Variants in VPREB3 observed in about 807,000 individuals in gnomAD.
VPREB3 encodes pre-B lymphocyte protein 3.
A neutral mutation model predicts 12.9 loss-of-function variants in VPREB3; 14 were observed. The ratio of observed to expected loss-of-function variants is 1.09; its 90% confidence interval spans 0.72 to 1.70. VPREB3 has a LOEUF of 1.70. VPREB3 is among the 40% of genes most tolerant of loss of function. VPREB3 has a pLI of 0.00. For missense variants in VPREB3, 165 were observed against 159.6 expected (o/e 1.03, Z -0.18); for synonymous variants, 78 against 70.1 (o/e 1.11, Z -0.56).
Position 23,753,098 on chromosome 22 carries a change from C to A in VPREB3, c.150G>T (p.Arg50Ser). 1 of 1,614,084 alleles carries A rather than the reference C, an allele frequency of 6.2e-7. No homozygotes were observed. The highest frequency in any genetic ancestry group is 1.7e-5 in the Admixed American group (1 of 60,008). ...CTLSPQHVTI[R>S]DYGVSWYQQR... ...GCTGGTACCAGGACACACCGTAGTC[C>A]CTGATGGTGACGTGCTGGGGGCTGA... The change falls in exon 2 of 2, where the codon AGG becomes AGT. Residue 50 changes from arginine to serine, a missense_variant. Arg to Ser is a moderately radical substitution (Grantham distance 110). Coordinates refer to ENST00000248948, the MANE Select transcript of VPREB3 (RefSeq NM_013378.3).
chr22:23,754,193 A>AT, intron 1 of VPREB3, 122 bp downstream of exon 1: 2 of 1,067,412 alleles, frequency 1.9e-6, no homozygotes, highest in Non-Finnish European at 1.3e-6. Flanking sequence ...AAAAAAAAAA[A>AT]AAATACCCCT....
In VPREB3 at chr22:23,753,103, T is replaced by A. The variant is rs746307404; in HGVS notation, c.145A>T (p.Ile49Phe). ...TACCAGGACACACCGTAGTCCCTGA[T>A]GGTGACGTGCTGGGGGCTGAGCGTG... ...SCTLSPQHVT[I>F]RDYGVSWYQQ... Residue 49 changes from isoleucine (I) to phenylalanine (F), a missense_variant, in exon 2 of 2, where the codon ATC (isoleucine) becomes TTC (phenylalanine). Transcript: ENST00000248948. 4 of 1,613,944 alleles carry A rather than the reference T, an allele frequency of 2.5e-6. No homozygotes were observed. The Admixed American group carries it at 6.7e-5, about 27-fold the overall frequency.
rs755082786 is a variant in VPREB3, at chr22:23,753,071, C to A, written c.177G>T (p.Gln59His). The change falls in exon 2 of 2, where the codon CAG becomes CAT. Residue 59 changes from glutamine (Q) to histidine (H), a missense_variant. By Grantham distance (24) the Gln-to-His change is conservative. Coordinates refer to ENST00000248948, the MANE Select transcript of VPREB3 (RefSeq NM_013378.3). Reference protein sequence around the residue: ...IRDYGVSWYQQRAGSAPRYLL... With the variant: ...IRDYGVSWYQHRAGSAPRYLL... ...GATATCGAGGGGCACTGCCTGCCCG[C>A]TGCTGGTACCAGGACACACCGTAGT... The A allele has an allele frequency of 6.2e-7, 1 of 1,614,172 alleles. No homozygotes were observed. Among genetic ancestry groups the A allele is most frequent in the Admixed American group, 1.7e-5 (1 of 60,022 alleles).
rs778794101 is a variant in VPREB3 at position 23,753,073 on chromosome 22, G to T, written c.175C>A (p.Gln59Lys). 1.2e-6 allele frequency: 2 copies of T among 1,614,046 alleles called. No homozygotes were observed. Among genetic ancestry groups the T allele is most frequent in the South Asian group, 2.2e-5 (2 of 91,090 alleles). Residue 59 changes from glutamine (Q) to lysine (K), a missense_variant, in exon 2 of 2, where the codon CAG becomes AAG. Gln to Lys is a moderately conservative substitution (Grantham distance 53). Coordinates refer to ENST00000248948, the MANE Select transcript of VPREB3 (RefSeq NM_013378.3). Reference sequence around the variant, plus strand: ...TATCGAGGGGCACTGCCTGCCCGCTGCTGGTACCAGGACACACCGTAGTCC... The same window carrying T: ...TATCGAGGGGCACTGCCTGCCCGCTTCTGGTACCAGGACACACCGTAGTCC... Reference protein sequence around the residue: ...IRDYGVSWYQQRAGSAPRYLL... With the variant: ...IRDYGVSWYQKRAGSAPRYLL...
rs774355600 is a variant in VPREB3 at position 23,753,021 on chromosome 22, TC to T, written c.226del (p.Asp76IlefsTer53). On this transcript the variant is annotated frameshift_variant, in exon 2 of 2. Transcript: ENST00000248948. LOFTEE classifies it high-confidence loss of function. ...GGGGATGTCAGCAGGCCGGTGGTGA[TC>T]CTCCTCCGAGCGGTAGTAGAGGAGA... ...RYLLYYRSEE[D>X]HHRPADIPDR... The T allele has an allele frequency of 9.9e-6, 16 of 1,614,020 alleles. No homozygotes were observed. Among genetic ancestry groups the T allele is most frequent in the Non-Finnish European group, 1.2e-5 (14 of 1,179,978 alleles).
chr22:23,753,635 C>T (rs1329038717), intron 1 of VPREB3, among the ~76,000 whole-genome samples: 1 of 152,158 alleles, frequency 6.6e-6, no homozygotes, highest in Non-Finnish European at 1.5e-5. Flanking sequence ...CTGGGCTGTC[C>T]CACACATCAA....
chr22:23,752,970 T>G lies in VPREB3; in HGVS notation c.278A>C (p.Glu93Ala). 1 of 1,614,144 alleles carries G rather than the reference T, an allele frequency of 6.2e-7. No homozygotes were observed. Among genetic ancestry groups the G allele is most frequent in the Non-Finnish European group, 8.5e-7 (1 of 1,180,022 alleles). Reference sequence around the variant, plus strand: ...GGTGAGGACACAGGCATTGTGGGCCTCATCCTTGGCTGCCGAGAATCGATC... The same window carrying G: ...GGTGAGGACACAGGCATTGTGGGCCGCATCCTTGGCTGCCGAGAATCGATC... ...IPDRFSAAKD[E>A]AHNACVLTIS... The change falls in exon 2 of 2, where the codon GAG (glutamate) becomes GCG (alanine). Residue 93 changes from glutamate to alanine, a missense_variant. By Grantham distance (107) the Glu-to-Ala change is moderately radical. Coordinates refer to ENST00000248948, the MANE Select transcript of VPREB3 (RefSeq NM_013378.3).
At position 23,752,970 on chromosome 22, in the gene VPREB3, T is replaced by C. The variant is rs913528108; in HGVS notation, c.278A>G (p.Glu93Gly). 1.2e-6 allele frequency: 2 copies of C among 1,614,026 alleles called. No homozygotes were observed. Among genetic ancestry groups the C allele is most frequent in the African/African-American group, 2.7e-5 (2 of 74,904 alleles). Residue 93 changes from glutamate (E) to glycine (G), a missense_variant, in exon 2 of 2, where the codon GAG (glutamate) becomes GGG (glycine). Glu to Gly is a moderately conservative substitution (Grantham distance 98). Coordinates refer to ENST00000248948, the MANE Select transcript of VPREB3 (RefSeq NM_013378.3). ...GGTGAGGACACAGGCATTGTGGGCC[T>C]CATCCTTGGCTGCCGAGAATCGATC... is the stretch of plus-strand genomic sequence containing the variant. Reference protein sequence around the residue: ...IPDRFSAAKDEAHNACVLTIS... With the variant: ...IPDRFSAAKDGAHNACVLTIS...
At chr22:23,753,264 T>A (rs1925420296) in intron 1 of VPREB3, 66 bp from the exon 2 acceptor site, 1 of 1,465,144 alleles carries the variant, frequency 6.8e-7, no homozygotes, top group East Asian at 2.5e-5. Flanking sequence ...GAAGGCTTGG[T>A]TGGACTCCAT....
At position 23,752,834 on chromosome 22, in the gene VPREB3, A is replaced by G; in HGVS notation, c.*42T>C. ...AAAAGGGACCCAAGGTCAGGGGCAGAAATGGGAGGCAGAGGGGAGGCACCC... is the reference window on the plus strand; with the variant it reads ...AAAAGGGACCCAAGGTCAGGGGCAGGAATGGGAGGCAGAGGGGAGGCACCC... On this transcript the variant is annotated 3_prime_UTR_variant, in exon 2 of 2. Coordinates refer to ENST00000248948, the MANE Select transcript of VPREB3 (RefSeq NM_013378.3). 1 of 1,574,234 alleles carries G rather than the reference A, an allele frequency of 6.4e-7. No homozygotes were observed. The highest frequency in any genetic ancestry group is 1.2e-5 in the South Asian group (1 of 85,594).
chr22:23,752,961 T>C lies in VPREB3; in HGVS notation c.287A>G (p.Asn96Ser), dbSNP rs1925405789. 1 of 1,614,032 alleles carries C rather than the reference T, an allele frequency of 6.2e-7. No individual in the cohort carries two copies. Among genetic ancestry groups the C allele is most frequent in the Non-Finnish European group, 8.5e-7 (1 of 1,179,986 alleles). The change falls in exon 2 of 2, where the codon AAT (asparagine) becomes AGT (serine). Residue 96 changes from asparagine (N) to serine (S), a missense_variant. Asn to Ser is a conservative substitution (Grantham distance 46, BLOSUM62 1). Coordinates refer to ENST00000248948, the MANE Select transcript of VPREB3 (RefSeq NM_013378.3). ...RFSAAKDEAH[N>S]ACVLTISPVQ... ...GGGACTAATGGTGAGGACACAGGCATTGTGGGCCTCATCCTTGGCTGCCGA... is the reference window on the plus strand; with the variant it reads ...GGGACTAATGGTGAGGACACAGGCACTGTGGGCCTCATCCTTGGCTGCCGA...
Position 23,752,997 on chromosome 22 carries a change from G to C in VPREB3, c.251C>G (p.Pro84Arg), listed in dbSNP as rs781106598. 6.2e-7 allele frequency: 1 copy of C among 1,614,146 alleles called. No individual in the cohort carries two copies. The highest frequency in any genetic ancestry group is 2.2e-5 in the East Asian group (1 of 44,874). Reference protein sequence around the residue: ...EEDHHRPADIPDRFSAAKDEA... With the variant: ...EEDHHRPADIRDRFSAAKDEA... ...ATCCTTGGCTGCCGAGAATCGATCG[G>C]GGATGTCAGCAGGCCGGTGGTGATC... The change falls in exon 2 of 2, where the codon CCC (proline) becomes CGC (arginine). Residue 84 changes from proline to arginine, a missense_variant. Physicochemically the swap from Pro to Arg is moderately radical, Grantham distance 103. Coordinates refer to ENST00000248948, the MANE Select transcript of VPREB3 (RefSeq NM_013378.3).
intron 1 of VPREB3, among the ~76,000 whole-genome samples, chr22:23,753,664 G>A (rs1925429675): frequency 6.6e-6 from 1 of 152,152 alleles, no homozygotes; most frequent in Admixed American, 6.5e-5. Context: ...CAGGCAACTG[G>A]CTGCAGGGAC....
In VPREB3 at chr22:23,753,018, T is replaced by C; in HGVS notation, c.230A>G (p.His77Arg). ...ATCGGGGATGTCAGCAGGCCGGTGGTGATCCTCCTCCGAGCGGTAGTAGAG... is the reference window on the plus strand; with the variant it reads ...ATCGGGGATGTCAGCAGGCCGGTGGCGATCCTCCTCCGAGCGGTAGTAGAG... ...YLLYYRSEED[H>R]HRPADIPDRF... Residue 77 changes from histidine to arginine, a missense_variant, in exon 2 of 2, where the codon CAC becomes CGC. Physicochemically the swap from His to Arg is conservative, Grantham distance 29. Transcript: ENST00000248948. The C allele has an allele frequency of 1.2e-6, 2 of 1,614,144 alleles. No homozygotes were observed. Among genetic ancestry groups the C allele is most frequent in the Non-Finnish European group, 1.7e-6 (2 of 1,180,012 alleles).
Position 23,752,868 on chromosome 22 carries a change from C to G in VPREB3, c.*8G>C. 1 of 1,600,784 alleles carries G rather than the reference C, an allele frequency of 6.2e-7. No individual in the cohort carries two copies. The highest frequency in any genetic ancestry group is 8.5e-7 in the Non-Finnish European group (1 of 1,170,258). ...GCAGAGGGGAGGCACCCATCTCACA[C>G]CCCACCCCTAGGGACTAAAGCCGTA... On this transcript the variant is annotated 3_prime_UTR_variant, in exon 2 of 2. Transcript: ENST00000248948.
In VPREB3 at chr22:23,752,763, T is replaced by G; in HGVS notation, c.*113A>C. On this transcript the variant is annotated 3_prime_UTR_variant, in exon 2 of 2. Coordinates refer to ENST00000248948, the MANE Select transcript of VPREB3 (RefSeq NM_013378.3). Reference sequence around the variant, plus strand: ...ATAGCTGTTGTTGACATGTTGAATATTATTAACCCATTTTACAGAGGGGAA... The same window carrying G: ...ATAGCTGTTGTTGACATGTTGAATAGTATTAACCCATTTTACAGAGGGGAA... 9.9e-7 allele frequency: 1 copy of G among 1,010,466 alleles called. No homozygotes were observed. The highest frequency in any genetic ancestry group is 2.1e-4 in the Middle Eastern group (1 of 4,668). 62.6% of individuals were successfully genotyped at this position (1,010,466 alleles called of 1,614,324 possible). A position where few individuals can be genotyped will look rare whatever the true frequency, so the allele number is the denominator to read the frequency against.
intron 1 of VPREB3, among the ~76,000 whole-genome samples, chr22:23,753,421 C>T (rs1256169450): frequency 1.3e-5 from 2 of 152,088 alleles, no homozygotes; most frequent in South Asian, 4.1e-4. Context: ...AGTTAGCCCC[C>T]AAATCTCCAT....
chr22:23,754,387 A>G lies in VPREB3; in HGVS notation c.-24T>C, dbSNP rs1315656104. ...ATGGCCAGAGGCAGGGAGGCAGGCA[A>G]GTAGAAGTTCTGCAAGGCTATATGC... On this transcript the variant is annotated 5_prime_UTR_variant, in exon 1 of 2. Coordinates refer to ENST00000248948, the MANE Select transcript of VPREB3 (RefSeq NM_013378.3). 2 of 1,601,916 alleles carry G rather than the reference A, an allele frequency of 1.2e-6. No individual in the cohort carries two copies. Among genetic ancestry groups the G allele is most frequent in the Non-Finnish European group, 1.7e-6 (2 of 1,174,406 alleles).
In VPREB3 at chr22:23,752,866, C is replaced by T. The variant is rs1426508611; in HGVS notation, c.*10G>A. 4 of 1,599,144 alleles carry T rather than the reference C, an allele frequency of 2.5e-6. No homozygotes were observed. Among genetic ancestry groups the T allele is most frequent in the Non-Finnish European group, 2.6e-6 (3 of 1,169,298 alleles). On this transcript the variant is annotated 3_prime_UTR_variant, in exon 2 of 2. Transcript: ENST00000248948. ...AGGCAGAGGGGAGGCACCCATCTCA[C>T]ACCCCACCCCTAGGGACTAAAGCCG...
Sources: gnomAD v4.1 joint callset for allele counts (sites outside exome capture counted in the v4.1 genomes callset) on GRCh38, gnomAD v4.1.1 for gene constraint, MANE v1.5 for transcripts, NCBI Gene and HGNC (gene_info 2026-07-23, HGNC 2026-07-21) for gene names.